PMFBP1: variants seen among roughly 807,000 people sequenced by gnomAD.
PMFBP1 encodes polyamine-modulated factor 1-binding protein 1.
In PMFBP1, 131 loss-of-function variants were observed where a neutral mutation model predicts 137.8. The ratio of observed to expected loss-of-function variants is 0.95; its 90% CI spans 0.82 to 1.10. The LOEUF is 1.10. PMFBP1 is among the 50% of genes least tolerant of loss of function. The pLI is 0.00. For missense variants in PMFBP1, 1,199 were observed against 1,175.4 expected, an observed-to-expected ratio of 1.02 and a Z score of -0.29; for synonymous variants, 490 against 450.4, an observed-to-expected ratio of 1.09 and a Z score of -1.11.
chr16:72,204,704 A>AT, the PMFBP1 span, among the ~76,000 whole-genome samples: 3 of 152,174 alleles, frequency 2.0e-5, no homozygotes, highest in African/African-American at 7.2e-5. Context: ...TTGATATACC[A>AT]TTTTTTATTT....
chr16:72,161,122 G>A (rs2043055900), intron 3 of PMFBP1, among the ~76,000 whole-genome samples: 1 of 144,334 alleles, frequency 6.9e-6, no homozygotes, highest in Non-Finnish European at 1.5e-5. Flanking sequence ...TTTTGAGATG[G>A]AATCTCACTC....
chr16:72,164,048 C>T (rs955602632), intron 3 of PMFBP1, among the ~76,000 whole-genome samples: 1 of 150,892 alleles, frequency 6.6e-6, no homozygotes, highest in Non-Finnish European at 1.5e-5. Context: ...ACAACAACAA[C>T]AACAACAACA....
chr16:72,149,896 A>G (rs2042875634), intron 5 of PMFBP1, among the ~76,000 whole-genome samples: 1 of 152,218 alleles, frequency 6.6e-6, no homozygotes, highest in African/African-American at 2.4e-5. Context: ...ATATAGCACA[A>G]GCCCCGAGAG....
intron 3 of PMFBP1, among the ~76,000 whole-genome samples, chr16:72,164,191 G>A (rs533708141): frequency 6.6e-6 from 1 of 152,300 alleles, no homozygotes; most frequent in East Asian, 1.9e-4. Context: ...AGGAAGGTGG[G>A]AGATGTAATC....
chr16:72,140,515 T>G lies in PMFBP1; in HGVS notation c.704A>C (p.His235Pro). The G allele has an allele frequency of 6.2e-7, 1 of 1,613,260 alleles. No individual in the cohort carries two copies. Among genetic ancestry groups the G allele is most frequent in the South Asian group, 1.1e-5 (1 of 91,078 alleles). ...AGACAGTCGTTTCTGAGTCTCCTGA[T>G]GCTCTTGAATCATGCAAGGAGAAGT... ...IYTSPCMIQE[H>P]QETQKRLSEV... Residue 235 changes from histidine (H) to proline (P), a missense_variant, in exon 6 of 21, where the codon CAT becomes CCT. Transcript: ENST00000237353.
the PMFBP1 span, among the ~76,000 whole-genome samples, chr16:72,213,639 C>A: frequency 6.6e-6 from 1 of 152,198 alleles, no homozygotes; most frequent in African/African-American, 2.4e-5. Flanking sequence ...GAGGACCCAG[C>A]TAATCCAAGT....
At chr16:72,202,809 T>C in the PMFBP1 span, among the ~76,000 whole-genome samples, 4 of 152,306 alleles carry the variant, frequency 2.6e-5, no homozygotes, top group South Asian at 4.2e-4. Flanking sequence ...AATTGCTCGG[T>C]TGACAATCAA....
intron 5 of PMFBP1, among the ~76,000 whole-genome samples, chr16:72,142,313 A>G (rs1387914614): frequency 6.6e-6 from 1 of 152,180 alleles, no homozygotes; most frequent in Non-Finnish European, 1.5e-5. Flanking sequence ...AATGGAAACT[A>G]ATTTAGAAGG....
intron 5 of PMFBP1, among the ~76,000 whole-genome samples, chr16:72,145,375 T>C (rs1020466320): frequency 5.3e-5 from 8 of 152,164 alleles, no homozygotes; most frequent in Non-Finnish European, 7.4e-5. Flanking sequence ...GGGACACATT[T>C]AAAGCAGTGT....
the PMFBP1 span, among the ~76,000 whole-genome samples, chr16:72,193,724 G>GA: frequency 8.6e-4 from 116 of 134,782 alleles, no homozygotes; most frequent in East Asian, 3.6e-3. Context: ...TATCAGTGAG[G>GA]AAAAAAAAAA....
At chr16:72,143,558 C>T (rs1597474350) in intron 5 of PMFBP1, among the ~76,000 whole-genome samples, 1 of 151,858 alleles carries the variant, frequency 6.6e-6, no homozygotes, top group Non-Finnish European at 1.5e-5. Context: ...GCCTGGCCAA[C>T]ATGGTGAAAC....
the PMFBP1 span, among the ~76,000 whole-genome samples, chr16:72,221,827 T>C: frequency 6.6e-6 from 1 of 152,206 alleles, no homozygotes; most frequent in East Asian, 1.9e-4. Flanking sequence ...AGTCATTTGG[T>C]TGAATCACTC....
chr16:72,128,181 T>A lies in PMFBP1; in HGVS notation c.2088+476A>T, dbSNP rs1193318528. Among the ~76,000 whole-genome samples the A allele has an allele frequency of 2.6e-5, 4 of 152,206 alleles. No homozygotes were observed. The East Asian group carries it at 7.7e-4, about 29-fold the overall frequency. ...GCAGATGGAAGCCATGTAAAGAGCT[T>A]AAGTGGACGACAAATAAATGACGAC... On this transcript the variant is annotated intron_variant, in intron 14 of 20. Transcript: ENST00000237353.
rs746736331 is a variant in PMFBP1 at position 72,126,087 on chromosome 16, C to A, written c.2134G>T (p.Asp712Tyr). ...ESLMSLQAQL[D>Y]KALQKEKHYL... The stretch of plus-strand genomic sequence containing the variant: ...TGCTTCTCCTTCTGCAGAGCTTTGT[C>A]CAGCTGGGCCTGCAGGCTCATTAAG... Residue 712 changes from aspartate (D) to tyrosine (Y), a missense_variant, in exon 15 of 21, where the codon GAC (aspartate) becomes TAC (tyrosine). By Grantham distance (160) the Asp-to-Tyr change is radical. Transcript: ENST00000237353. 6.2e-7 allele frequency: 1 copy of A among 1,614,166 alleles called. No individual in the cohort carries two copies. The highest frequency in any genetic ancestry group is 8.5e-7 in the Non-Finnish European group (1 of 1,180,018).
intron 20 of PMFBP1, chr16:72,119,597 T>C (rs777311198): frequency 2.6e-5 from 37 of 1,442,740 alleles, no homozygotes; most frequent in Non-Finnish European, 3.2e-5. Context: ...TTCCCTAAAA[T>C]GGGTCTGGGT....
chr16:72,140,075 C>G (rs1258878539), intron 6 of PMFBP1, among the ~76,000 whole-genome samples: 1 of 152,206 alleles, frequency 6.6e-6, no homozygotes, highest in African/African-American at 2.4e-5. Flanking sequence ...CCATGCAGCT[C>G]TTACAGATGT....
chr16:72,152,844 CAAAA>C (rs34108768), intron 4 of PMFBP1, among the ~76,000 whole-genome samples: 2 of 65,040 alleles, frequency 3.1e-5, no homozygotes, highest in African/African-American at 6.1e-5. Flanking sequence ...GACTTCGTCT[CAAAA>C]AAAAAAAAAA....
the PMFBP1 span, among the ~76,000 whole-genome samples, chr16:72,185,894 G>C: frequency 6.6e-6 from 1 of 152,208 alleles, no homozygotes; most frequent in Non-Finnish European, 1.5e-5. Context: ...GCCAAAGAGA[G>C]TTTTGGGTGA....
chr16:72,138,682 A>C (rs1233498792), intron 7 of PMFBP1, among the ~76,000 whole-genome samples: 1 of 151,484 alleles, frequency 6.6e-6, no homozygotes, highest in African/African-American at 2.4e-5. Flanking sequence ...CACCTGGCTA[A>C]TTTTCGTATT....
Sources: gnomAD v4.1 joint callset for allele counts (sites outside exome capture counted in the v4.1 genomes callset) on GRCh38, gnomAD v4.1.1 for gene constraint, MANE v1.5 for transcripts, NCBI Gene and HGNC (gene_info 2026-07-23, HGNC 2026-07-21) for gene names.